Variants in CYP4F2 observed in about 807,000 individuals in gnomAD.
CYP4F2 encodes cytochrome P450 4F2.
A neutral mutation model predicts 58.9 loss-of-function variants in CYP4F2; 58 were observed. The ratio of observed to expected loss-of-function variants is 0.98; its 90% CI spans 0.80 to 1.23. The LOEUF (loss-of-function observed/expected upper bound fraction) is 1.23. CYP4F2 is among the 50% of genes most tolerant of loss of function. CYP4F2 has a pLI of 0.00. For synonymous variants in CYP4F2, 287 were observed against 261.1 expected (o/e 1.10, Z -0.95); for missense variants, 616 against 685.6 (o/e 0.90, Z 1.13).
intron 5 of CYP4F2, 37 bp downstream of exon 5, chr19:15,892,272 A>G (rs750962170): frequency 6.2e-7 from 1 of 1,613,634 alleles, no homozygotes; most frequent in South Asian, 1.1e-5. Flanking sequence ...CTTTCACCCC[A>G]AGGCTGCAAG....
chr19:15,879,716 G>C (rs755867721), intron 10 of CYP4F2, 48 bp from the exon 11 acceptor site: 1 of 1,613,878 alleles, frequency 6.2e-7, no homozygotes. Flanking sequence ...TTCACTGAGG[G>C]GCCCCTCTTC....
Position 15,891,331 on chromosome 19 carries a change from C to T in CYP4F2, c.526-898G>A, listed in dbSNP as rs142689361. 3.9e-4 allele frequency among the ~76,000 whole-genome samples: 59 copies of T among 152,256 alleles called. No individual in the cohort carries two copies. The East Asian group carries it at 0.01, about 26-fold the overall frequency. ...TTGGGAAGCTTGGAGGGAAAAAAGGCAATCTAACAAGAAACACATGCTGCT... is the reference window on the plus strand; with the variant it reads ...TTGGGAAGCTTGGAGGGAAAAAAGGTAATCTAACAAGAAACACATGCTGCT... On this transcript the variant is annotated intron_variant, in intron 5 of 12. Coordinates refer to ENST00000221700, the MANE Select transcript of CYP4F2 (RefSeq NM_001082.5).
In CYP4F2 at chr19:15,890,351, A is replaced by G. The variant is rs748935107; in HGVS notation, c.608T>C (p.Leu203Pro). ...EHISLMTLDS[L>P]QKCVFSFDSH... The stretch of plus-strand genomic sequence containing the variant: ...GTCAAAGCTGAAGACACATTTCTGT[A>G]GACTGTCCAAGGTCATGAGGCTGAT... Residue 203 changes from leucine to proline, a missense_variant, in exon 6 of 13, where the codon CTA (leucine) becomes CCA (proline). Coordinates refer to ENST00000221700, the MANE Select transcript of CYP4F2 (RefSeq NM_001082.5). 76 of 1,614,018 alleles carry G rather than the reference A, an allele frequency of 4.7e-5. 3 individuals are homozygous for G. The South Asian group carries it at 7.9e-4, about 17-fold the overall frequency.
chr19:15,895,369 T>C, intron 3 of CYP4F2, 137 bp downstream of exon 3: 1 of 1,177,354 alleles, frequency 8.5e-7, no homozygotes, highest in Non-Finnish European at 1.1e-6. Context: ...AATTGATGAA[T>C]ACATGAAAGA....
intron 9 of CYP4F2, among the ~76,000 whole-genome samples, chr19:15,885,206 C>T (rs1421110192): frequency 6.6e-6 from 1 of 151,870 alleles, no homozygotes; most frequent in Non-Finnish European, 1.5e-5. Flanking sequence ...CCCAACTGTA[C>T]CCAATTATCT....
Position 15,895,527 on chromosome 19 carries a change from G to A in CYP4F2, c.322C>T (p.Arg108Trp), listed in dbSNP as rs114396708. 7.3e-5 allele frequency: 112 copies of A among 1,538,164 alleles called. No individual in the cohort carries two copies. Among genetic ancestry groups the A allele is most frequent in the East Asian group, 3.0e-4 (12 of 39,896 alleles). ...GTACCTGAGGCGTTGATGACAGACC[G>A]GATGATGTCGGGGTGGCACAAACTG... is the stretch of plus-strand genomic sequence containing the variant. ...LLSLCHPDIIRSVINASAAIA... is the reference protein window; with the variant it reads ...LLSLCHPDIIWSVINASAAIA... The change falls in exon 3 of 13, where the codon CGG becomes TGG. Residue 108 changes from arginine to tryptophan, a missense_variant. Physicochemically the swap from Arg to Trp is moderately radical, Grantham distance 101 (BLOSUM62 -3). Coordinates refer to ENST00000221700, the MANE Select transcript of CYP4F2 (RefSeq NM_001082.5).
rs114146128 is a variant in CYP4F2, at chr19:15,894,835, G to A, written c.343+671C>T. On this transcript the variant is annotated intron_variant, in intron 3 of 12. Coordinates refer to ENST00000221700, the MANE Select transcript of CYP4F2 (RefSeq NM_001082.5). ...AGCTGGGGTGGAGTCTCCTCTTGGA[G>A]ATCCCCGGGACCTGCAGCAGGAGAG... 6.7e-3 allele frequency among the ~76,000 whole-genome samples: 1,021 copies of A among 152,248 alleles called. 11 individuals are homozygous for A. Among genetic ancestry groups the A allele is most frequent in the African/African-American group, 0.023 (938 of 41,538 alleles).
chr19:15,881,157 A>T (rs2089341962), intron 9 of CYP4F2, among the ~76,000 whole-genome samples: 1 of 152,240 alleles, frequency 6.6e-6, no homozygotes, highest in South Asian at 2.1e-4. Flanking sequence ...CACTAGTCTC[A>T]TCACATTCTG....
At chr19:15,883,477 T>TA (rs2089357109) in intron 9 of CYP4F2, among the ~76,000 whole-genome samples, 1 of 152,138 alleles carries the variant, frequency 6.6e-6, no homozygotes, top group African/African-American at 2.4e-5. Context: ...CAGGCAACGA[T>TA]AGACACTGGT....
chr19:15,896,233 G>GCTATCTAT (rs10638260), intron 2 of CYP4F2, among the ~76,000 whole-genome samples: 4,522 of 148,320 alleles, frequency 0.03, 80 homozygotes, highest in East Asian at 0.043. Flanking sequence ...TATCCTATTA[G>GCTATCTAT]CTATCTATCT....
intron 3 of CYP4F2, among the ~76,000 whole-genome samples, chr19:15,893,276 T>A (rs1341795353): frequency 6.6e-6 from 1 of 150,474 alleles, no homozygotes; most frequent in Non-Finnish European, 1.5e-5. Context: ...ATAGGGACCC[T>A]GGGTCCCAGA....
In CYP4F2 at chr19:15,878,884, G is replaced by C. The variant is rs1260328715; in HGVS notation, c.1450C>G (p.Leu484Val). The C allele has an allele frequency of 2.5e-6, 4 of 1,613,952 alleles. No homozygotes were observed. In the African/African-American group the frequency reaches 5.3e-5, roughly 22 times the overall value. The change falls in exon 13 of 13, where the codon CTC becomes GTC. Residue 484 changes from leucine to valine, a missense_variant. Leu to Val is a conservative substitution (Grantham distance 32, BLOSUM62 1). Coordinates refer to ENST00000221700, the MANE Select transcript of CYP4F2 (RefSeq NM_001082.5). ...AMAEMKVVLA[L>V]TLLRFRVLPD... ...AGGACGCGGAAGCGCAGCAGCGTGA[G>C]CGCCAGGACCACCTTCATCTCCGCC...
intron 7 of CYP4F2, 89 bp from the exon 8 acceptor site, chr19:15,886,397 T>G: frequency 6.9e-7 from 1 of 1,450,028 alleles, no homozygotes; most frequent in South Asian, 1.2e-5. Flanking sequence ...TCTGAGACAG[T>G]CTCTGAAGAT....
At chr19:15,887,179 C>T (rs1231411303) in intron 7 of CYP4F2, among the ~76,000 whole-genome samples, 1 of 149,060 alleles carries the variant, frequency 6.7e-6, no homozygotes, top group African/African-American at 2.5e-5. Flanking sequence ...AGACATAACA[C>T]AGATATAGAC....
intron 6 of CYP4F2, among the ~76,000 whole-genome samples, chr19:15,889,896 C>T (rs921907741): frequency 1.3e-5 from 2 of 152,164 alleles, no homozygotes; most frequent in African/African-American, 2.4e-5. Flanking sequence ...CTGTGAGATG[C>T]CTCCATGCCG....
rs747842675 is a variant in CYP4F2 at position 15,890,429 on chromosome 19, T to G, written c.530A>C (p.Lys177Thr). ...FNESVNIMHAKWQLLASEGSA... is the reference protein window; with the variant it reads ...FNESVNIMHATWQLLASEGSA... ...ACCCTCTGAGGCCAGGAGCTGCCAC[T>G]TGGCCTAGCCAGAGAAGGGGACAGA... The change falls in exon 6 of 13, where the codon AAG becomes ACG. Residue 177 changes from lysine to threonine, a missense_variant. By Grantham distance (78) the Lys-to-Thr change is moderately conservative (BLOSUM62 -1). Coordinates refer to ENST00000221700, the MANE Select transcript of CYP4F2 (RefSeq NM_001082.5). 3 of 1,613,876 alleles carry G rather than the reference T, an allele frequency of 1.9e-6. No individual in the cohort carries two copies. The African/African-American group carries it at 4.0e-5, about 22-fold the overall frequency.
At position 15,895,689 on chromosome 19, in the gene CYP4F2, T is replaced by C. The variant is rs777935449; in HGVS notation, c.199-39A>G. 1.4e-5 allele frequency: 22 copies of C among 1,576,584 alleles called. No individual in the cohort carries two copies. The East Asian group carries it at 4.5e-4, about 32-fold the overall frequency. Reference sequence around the variant, plus strand: ...AGGGGTCATTACCTTCTGTGATAGTTAATTCTAGGTGTCTACTTGACTGGG... The same window carrying C: ...AGGGGTCATTACCTTCTGTGATAGTCAATTCTAGGTGTCTACTTGACTGGG... On this transcript the variant is annotated intron_variant, in intron 2 of 12. Transcript: ENST00000221700.
chr19:15,893,909 C>A lies in CYP4F2; in HGVS notation c.344-1327G>T, dbSNP rs370322925. 112 of 255,710 alleles carry A rather than the reference C, an allele frequency of 4.4e-4. 1 individual carries two copies. Among genetic ancestry groups the A allele is most frequent in the African/African-American group, 2.4e-3 (105 of 43,926 alleles). 15.8% of individuals were successfully genotyped at this position (255,710 alleles called of 1,614,324 possible). A position where few individuals can be genotyped will look rare whatever the true frequency, so the allele number is the denominator to read the frequency against. ...GGAGAAAAACACACAGGACCCAATT[C>A]ATGCTCTCCTAGGCTGTGAGAGAGA... On this transcript the variant is annotated intron_variant, in intron 3 of 12. Coordinates refer to ENST00000221700, the MANE Select transcript of CYP4F2 (RefSeq NM_001082.5).
At chr19:15,882,865 A>C (rs755494126) in intron 9 of CYP4F2, among the ~76,000 whole-genome samples, 7 of 152,370 alleles carry the variant, frequency 4.6e-5, no homozygotes, top group South Asian at 4.1e-4. Flanking sequence ...TAAAAATCAC[A>C]GTGTGAATTC....
Sources: allele counts gnomAD v4.1 joint callset (sites outside exome capture counted in the v4.1 genomes callset), GRCh38; gene constraint gnomAD v4.1.1; transcripts MANE v1.5; gene names NCBI Gene and HGNC (gene_info 2026-07-23, HGNC 2026-07-21).